PRKCQ: variants seen among roughly 807,000 people sequenced by gnomAD.
The protein encoded by PRKCQ is protein kinase C theta type.
PRKCQ carries 41 observed loss-of-function variants against 91.2 expected under a neutral mutation model. The ratio of observed to expected loss-of-function variants is 0.45; its 90% CI spans 0.35 to 0.58. PRKCQ has a LOEUF of 0.58. Ranked by LOEUF, PRKCQ falls within the 20% of genes least tolerant of loss-of-function variation. PRKCQ has a pLI of 0.00. For missense variants in PRKCQ, 673 were observed against 896.5 expected (o/e 0.75, Z 3.18); for synonymous variants, 307 against 316.9 (o/e 0.97, Z 0.33).
chr10:6,579,916 G>A (rs1004983559), intron 1 of PRKCQ, among the ~76,000 whole-genome samples: 3 of 150,496 alleles, frequency 2.0e-5, no homozygotes, highest in Admixed American at 2.0e-4. Flanking sequence ...TCGTTCAGGT[G>A]AGAAGGAAAA....
intron 15 of PRKCQ, among the ~76,000 whole-genome samples, chr10:6,446,083 G>A (rs1196457825): frequency 2.6e-5 from 4 of 152,216 alleles, no homozygotes; most frequent in Middle Eastern, 6.8e-3. Flanking sequence ...CAGAGTGTTC[G>A]CCTCAGGAAT....
At chr10:6,485,413 G>GGAC in intron 9 of PRKCQ, 144 bp from the exon 10 acceptor site, 1 of 691,484 alleles carries the variant, frequency 1.4e-6, no homozygotes, top group Non-Finnish European at 2.6e-6. Flanking sequence ...ACGTTCTTTT[G>GGAC]GAACCCCATA....
At chr10:6,425,854 G>T (rs576335628), downstream of PRKCQ, among the ~76,000 whole-genome samples, 202 of 152,298 alleles carry the variant, frequency 1.3e-3, no homozygotes, top group African/African-American at 4.7e-3. Context: ...TTTTGGTCTA[G>T]TGGAGGGGAT....
At chr10:6,540,866 C>A (rs920425145) in intron 1 of PRKCQ, among the ~76,000 whole-genome samples, 1 of 152,164 alleles carries the variant, frequency 6.6e-6, no homozygotes, top group African/African-American at 2.4e-5. Context: ...GAAGGTCCCA[C>A]ATCTTCACAG....
intron 1 of PRKCQ, among the ~76,000 whole-genome samples, chr10:6,560,389 C>G (rs1840583215): frequency 6.6e-6 from 1 of 152,020 alleles, no homozygotes; most frequent in Non-Finnish European, 1.5e-5. Context: ...AGAAAGAAAC[C>G]CCTCTGTGCT....
intron 16 of PRKCQ, among the ~76,000 whole-genome samples, chr10:6,438,958 C>G (rs1833831526): frequency 1.3e-5 from 2 of 152,248 alleles, no homozygotes; most frequent in African/African-American, 2.4e-5. Context: ...TTTGCTGGGA[C>G]AGCTCAGTAT....
At chr10:6,442,447 T>G (rs61530335) in intron 15 of PRKCQ, among the ~76,000 whole-genome samples, 3,772 of 152,288 alleles carry the variant, frequency 0.025, 115 homozygotes, top group East Asian at 0.065. Flanking sequence ...GGCTCTGGTG[T>G]GAGCCTGGAA....
intron 15 of PRKCQ, among the ~76,000 whole-genome samples, chr10:6,454,098 G>A (rs1834874928): frequency 6.6e-6 from 1 of 151,982 alleles, no homozygotes; most frequent in African/African-American, 2.4e-5. Context: ...ATGCAATTTA[G>A]TTATTTTAAA....
chr10:6,474,237 C>T (rs552436329), intron 12 of PRKCQ, among the ~76,000 whole-genome samples: 12 of 152,208 alleles, frequency 7.9e-5, no homozygotes, highest in Non-Finnish European at 1.3e-4. Flanking sequence ...TAGCGTTCTG[C>T]CTCTTGGCAT....
At chr10:6,555,511 A>G (rs1840375491) in intron 1 of PRKCQ, among the ~76,000 whole-genome samples, 1 of 152,246 alleles carries the variant, frequency 6.6e-6, no homozygotes, top group Admixed American at 6.5e-5. Context: ...ATTCTGTGCT[A>G]TCATTTGGAT....
chr10:6,537,518 A>G (rs1839628751), intron 1 of PRKCQ, among the ~76,000 whole-genome samples: 1 of 152,170 alleles, frequency 6.6e-6, no homozygotes. Context: ...TAACCTGAGG[A>G]CATTGCACTG....
rs1291474790 is a variant in PRKCQ at position 6,434,048 on chromosome 10, AAGG to A, written c.1837-3113_1837-3111del. 1.2e-3 allele frequency among the ~76,000 whole-genome samples: 174 copies of A among 148,630 alleles called. 1 individual carries two copies. Among genetic ancestry groups the A allele is most frequent in the African/African-American group, 3.6e-3 (138 of 38,604 alleles). On this transcript the variant is annotated intron_variant, in intron 16 of 17. Transcript: ENST00000263125. ...GACTCCTTAAAAAAAAAAAAAAAAA[AAGG>A]AAGCAAAAGGAATAAGTGACTTGCC... is the stretch of plus-strand genomic sequence containing the variant.
At chr10:6,472,751 C>T (rs191794145) in intron 12 of PRKCQ, among the ~76,000 whole-genome samples, 377 of 152,292 alleles carry the variant, frequency 2.5e-3, no homozygotes, top group African/African-American at 5.0e-3. Context: ...TTCACTGTTT[C>T]GCCCATGCTG....
intron 1 of PRKCQ, among the ~76,000 whole-genome samples, chr10:6,540,642 T>C (rs1387461119): frequency 6.6e-6 from 1 of 152,248 alleles, no homozygotes; most frequent in Non-Finnish European, 1.5e-5. Flanking sequence ...CCTCTGCTGA[T>C]GAACATTTGG....
At chr10:6,553,027 C>T (rs1840251252) in intron 1 of PRKCQ, among the ~76,000 whole-genome samples, 1 of 152,032 alleles carries the variant, frequency 6.6e-6, no homozygotes, top group Admixed American at 6.6e-5. Flanking sequence ...TTTGTGATCT[C>T]TTTAATGTCT....
At position 6,498,629 on chromosome 10, in the gene PRKCQ, A is replaced by C. The variant is rs190818099; in HGVS notation, c.380-71T>G. ...GACTCCTATTCTAAGCTGGGTCAGGAGGGGAGGGAGATGGGCAAGGGATGG... is the reference window on the plus strand; with the variant it reads ...GACTCCTATTCTAAGCTGGGTCAGGCGGGGAGGGAGATGGGCAAGGGATGG... On this transcript the variant is annotated intron_variant, in intron 4 of 17. Transcript: ENST00000263125. The C allele has an allele frequency of 9.0e-5, 136 of 1,503,648 alleles. 1 individual carries two copies. In the Admixed American group the frequency reaches 9.3e-4, roughly 10 times the overall value. The allele number at this position is 1,503,648 out of a possible 1,614,324, so 93.1% of individuals were successfully genotyped here.
At chr10:6,416,370 C>T in the PRKCQ span, among the ~76,000 whole-genome samples, 1 of 152,044 alleles carries the variant, frequency 6.6e-6, no homozygotes, top group African/African-American at 2.4e-5. Context: ...AGCCCCTCCA[C>T]CCTTCCCCTT....
intron 1 of PRKCQ, among the ~76,000 whole-genome samples, chr10:6,552,961 ATAAT>A (rs879391493): frequency 6.4e-4 from 97 of 152,294 alleles, no homozygotes; most frequent in Admixed American, 3.0e-3. Flanking sequence ...TTTATGATAA[ATAAT>A]TATGTTTTTC....
the PRKCQ span, among the ~76,000 whole-genome samples, chr10:6,396,806 GA>G: frequency 6.6e-6 from 1 of 152,238 alleles, no homozygotes; most frequent in Non-Finnish European, 1.5e-5. Flanking sequence ...ATATAACTAG[GA>G]GAGGAACTGC....
Sources: allele counts gnomAD v4.1 joint callset (sites outside exome capture counted in the v4.1 genomes callset), GRCh38; gene constraint gnomAD v4.1.1; transcripts MANE v1.5; gene names NCBI Gene and HGNC (gene_info 2026-07-23, HGNC 2026-07-21).